Variants in E2F2 observed in about 807,000 individuals in gnomAD.
The protein encoded by E2F2 is E2F transcription factor 2.
Under a neutral mutation model 42.2 loss-of-function variants are expected in E2F2, and 22 were observed. The ratio of observed to expected loss-of-function variants is 0.52; its 90% CI spans 0.37 to 0.74. The LOEUF (loss-of-function observed/expected upper bound fraction) is 0.74, where lower values mean the gene tolerates loss of function less well. Among genes scored for constraint, E2F2 ranks in the 30% least tolerant of loss-of-function variants. The probability of loss-of-function intolerance (pLI) is 0.00; values close to 1 mark genes in which losing one functional copy is unlikely to be tolerated. For missense variants in E2F2, 481 were observed against 557.8 expected (o/e 0.86, Z 1.39); for synonymous variants, 248 against 251.6 (o/e 0.99, Z 0.13).
chr1:23,530,879 C>G lies in E2F2; in HGVS notation c.-86G>C. ...CGGTGCTGCCGCCTTTCACACGGCC[C>G]GCGGCATGGCGCGGAGGCCGGGGGA... is the stretch of plus-strand genomic sequence containing the variant. On this transcript the variant is annotated 5_prime_UTR_variant, in exon 1 of 7. Coordinates refer to ENST00000361729, the MANE Select transcript of E2F2 (RefSeq NM_004091.4). The surrounding 1 kb of genome is among the most constrained non-coding windows in gnomAD (Gnocchi z 4.4). 1 of 1,391,098 alleles carries G rather than the reference C, an allele frequency of 7.2e-7. No homozygotes were observed. Among genetic ancestry groups the G allele is most frequent in the Non-Finnish European group, 9.3e-7 (1 of 1,074,108 alleles). 86.2% of individuals were successfully genotyped at this position (1,391,098 alleles called of 1,614,324 possible). A position where few individuals can be genotyped will look rare whatever the true frequency, so the allele number is the denominator to read the frequency against.
At chr1:23,515,730 C>T (rs942422715) in intron 6 of E2F2, among the ~76,000 whole-genome samples, 1 of 151,668 alleles carries the variant, frequency 6.6e-6, no homozygotes, top group Non-Finnish European at 1.5e-5. Flanking sequence ...GAGACAGGGT[C>T]TCCCTCTGTT....
At chr1:23,513,561 CATGTGTGTGTGT>C (rs1278286813) in intron 6 of E2F2, among the ~76,000 whole-genome samples, 28 of 116,036 alleles carry the variant, frequency 2.4e-4, no homozygotes, top group Admixed American at 5.7e-4. Flanking sequence ...CAGCACGGAA[CATGTGTGTGTGT>C]GTGTGTGTGT....
chr1:23,516,312 G>A, intron 6 of E2F2, 23 bp downstream of exon 6: 1 of 1,473,850 alleles, frequency 6.8e-7, no homozygotes, highest in Non-Finnish European at 9.0e-7. Flanking sequence ...CCCACCTCCT[G>A]TCCCTCTGGA....
At chr1:23,519,214 C>G in intron 4 of E2F2, 84 bp from the exon 5 acceptor site, 1 of 872,730 alleles carries the variant, frequency 1.1e-6, no homozygotes, top group Non-Finnish European at 1.9e-6. Context: ...ACCCACCTCT[C>G]CTAAGCCTCT....
In E2F2 at chr1:23,509,173, A is replaced by G. The variant is rs541900500; in HGVS notation, c.*707T>C. 2.0e-5 allele frequency: 3 copies of G among 152,290 alleles called. No individual in the cohort carries two copies. In the South Asian group the frequency reaches 6.2e-4, roughly 32 times the overall value. The allele number at this position is 152,290 out of a possible 1,614,324, so 9.4% of individuals were successfully genotyped here. ...ATGGCTCCCTGGGACCATCTCTGGG[A>G]CAGAGGCGACCAGGAAGCCAAGACC... On this transcript the variant is annotated 3_prime_UTR_variant, in exon 7 of 7. Transcript: ENST00000361729.
chr1:23,519,159 T>C, intron 4 of E2F2, 29 bp from the exon 5 acceptor site: 1 of 1,589,100 alleles, frequency 6.3e-7, no homozygotes, highest in Non-Finnish European at 8.6e-7. Flanking sequence ...GAAAAGTGAC[T>C]GTCTGGTCAA....
intron 6 of E2F2, among the ~76,000 whole-genome samples, chr1:23,511,900 T>C (rs1642916752): frequency 6.6e-6 from 1 of 152,130 alleles, no homozygotes; most frequent in Non-Finnish European, 1.5e-5. Flanking sequence ...GGTAAGTGCA[T>C]ATGAAGCACT....
intron 6 of E2F2, among the ~76,000 whole-genome samples, chr1:23,511,938 C>A (rs1301315211): frequency 6.6e-6 from 1 of 152,090 alleles, no homozygotes; most frequent in Non-Finnish European, 1.5e-5. Context: ...TGGCTCATGC[C>A]TATAATACCA....
At chr1:23,512,755 T>TA (rs1362644428) in intron 6 of E2F2, among the ~76,000 whole-genome samples, 1 of 152,142 alleles carries the variant, frequency 6.6e-6, no homozygotes, top group Non-Finnish European at 1.5e-5. Context: ...GAATGGCTCT[T>TA]ACTGCTTTTC....
At chr1:23,520,243 C>CAAAAAAAAAAAAA (rs66460864) in intron 4 of E2F2, among the ~76,000 whole-genome samples, 1 of 78,896 alleles carries the variant, frequency 1.3e-5, no homozygotes, top group African/African-American at 8.2e-5. Context: ...GACTCTGTCT[C>CAAAAAAAAAAAAA]AAAAAAAAAA....
At chr1:23,515,954 A>G (rs1034008668) in intron 6 of E2F2, among the ~76,000 whole-genome samples, 14 of 152,220 alleles carry the variant, frequency 9.2e-5, no homozygotes, top group African/African-American at 2.9e-4. Context: ...CTCCTGCCTC[A>G]GTCTCCCAAA....
Position 23,509,941 on chromosome 1 carries a change from G to A in E2F2, c.1253C>T (p.Ala418Val), listed in dbSNP as rs368795371. ...GAAGAGATCGCTGATGCCCTCACCCGCCTCCAAGCCCCACAGGTAGTCGTC... is the reference window on the plus strand; with the variant it reads ...GAAGAGATCGCTGATGCCCTCACCCACCTCCAAGCCCCACAGGTAGTCGTC... ...DQDDYLWGLEAGEGISDLFDS... is the reference protein window; with the variant it reads ...DQDDYLWGLEVGEGISDLFDS... The change falls in exon 7 of 7, where the codon GCG (alanine) becomes GTG (valine). Residue 418 changes from alanine (A) to valine (V), a missense_variant. Coordinates refer to ENST00000361729, the MANE Select transcript of E2F2 (RefSeq NM_004091.4). 41 of 1,604,934 alleles carry A rather than the reference G, an allele frequency of 2.6e-5. No homozygotes were observed. Among genetic ancestry groups the A allele is most frequent in the Non-Finnish European group, 3.3e-5 (39 of 1,175,066 alleles).
chr1:23,524,115 A>C (rs1369615916), intron 2 of E2F2, among the ~76,000 whole-genome samples: 8 of 148,360 alleles, frequency 5.4e-5, no homozygotes, highest in South Asian at 2.1e-4. Context: ...AAAAAAAAAC[A>C]CAGAAGTAAT....
Position 23,523,890 on chromosome 1 carries a change from A to G in E2F2, c.358+493T>C, listed in dbSNP as rs565122986. 3.5e-4 allele frequency among the ~76,000 whole-genome samples: 53 copies of G among 152,048 alleles called. No homozygotes were observed. The East Asian group carries it at 8.9e-3, about 26-fold the overall frequency. On this transcript the variant is annotated intron_variant, in intron 2 of 6. Transcript: ENST00000361729. ...GGAGTTTAAGACCAGCCTGGCCAAC[A>G]TGGTGAAACTGTGTCTCTACTAAAA...
At chr1:23,516,966 C>T (rs762411429) in intron 5 of E2F2, among the ~76,000 whole-genome samples, 3 of 152,146 alleles carry the variant, frequency 2.0e-5, no homozygotes, top group East Asian at 1.9e-4. Context: ...AAGCCCCCTT[C>T]CCACTGGGGT....
At chr1:23,513,950 CCT>C (rs1642964575) in intron 6 of E2F2, among the ~76,000 whole-genome samples, 1 of 151,952 alleles carries the variant, frequency 6.6e-6, no homozygotes, top group Non-Finnish European at 1.5e-5. Flanking sequence ...ATGGTGAAAC[CCT>C]GTCTCTACTG....
intron 6 of E2F2, among the ~76,000 whole-genome samples, chr1:23,510,429 G>A (rs1416691725): frequency 2.0e-5 from 3 of 152,032 alleles, no homozygotes; most frequent in Admixed American, 6.6e-5. Context: ...AGGTTCAAGC[G>A]ATTCTCCCAC....
intron 4 of E2F2, 146 bp downstream of exon 4, chr1:23,520,766 TA>T: frequency 1.4e-6 from 1 of 701,404 alleles, no homozygotes; most frequent in Non-Finnish European, 2.0e-6. Flanking sequence ...TAAATAATTT[TA>T]AAAATAGACT....
chr1:23,520,078 CAAAA>C (rs35380252), intron 4 of E2F2, among the ~76,000 whole-genome samples: 3 of 96,152 alleles, frequency 3.1e-5, no homozygotes, highest in Admixed American at 1.1e-4. Context: ...GACTCCATCT[CAAAA>C]AAAAAAAAAA....
Sources: allele counts gnomAD v4.1 joint callset (sites outside exome capture counted in the v4.1 genomes callset), GRCh38; gene constraint gnomAD v4.1.1; non-coding constraint Gnocchi (gnomAD v3.1); transcripts MANE v1.5; gene names NCBI Gene and HGNC (gene_info 2026-07-23, HGNC 2026-07-21).